The following BSN variants were observed in gnomAD, a reference collection of about 807,000 sequenced individuals.
The protein encoded by BSN is protein bassoon.
Under a neutral mutation model 264.8 loss-of-function variants are expected in BSN, and 57 were observed. The observed-to-expected ratio is 0.22, with a 90% confidence interval of 0.17 to 0.27. BSN has a LOEUF of 0.27. Ranked by LOEUF, BSN falls within the 10% of genes least tolerant of loss-of-function variation. The pLI is 1.00. For missense variants in BSN, 4,615 were observed against 5,232.5 expected, an observed-to-expected ratio of 0.88 and a Z score of 3.64; for synonymous variants, 2,059 against 2,137.3, an observed-to-expected ratio of 0.96 and a Z score of 1.01.
chr3:49,672,264 T>G (rs1274932353), downstream of BSN, among the ~76,000 whole-genome samples: 1 of 152,080 alleles, frequency 6.6e-6, no homozygotes, highest in Non-Finnish European at 1.5e-5. Flanking sequence ...TCCAGAGAGA[T>G]ACACCATTAG....
chr3:49,591,513 A>G (rs917744212), intron 1 of BSN, among the ~76,000 whole-genome samples: 1 of 151,668 alleles, frequency 6.6e-6, no homozygotes, highest in African/African-American at 2.4e-5. Context: ...GCCACCAACA[A>G]TTTTTTTTCC....
At chr3:49,565,144 C>CTTTTTT (rs971015437) in intron 1 of BSN, among the ~76,000 whole-genome samples, 24 of 104,584 alleles carry the variant, frequency 2.3e-4, no homozygotes, top group Middle Eastern at 6.8e-3. Flanking sequence ...AGAGGATTTT[C>CTTTTTT]TTTTTTTTTT....
At chr3:49,620,027 A>G (rs552260111) in intron 1 of BSN, among the ~76,000 whole-genome samples, 8 of 152,294 alleles carry the variant, frequency 5.3e-5, no homozygotes, top group Admixed American at 5.2e-4. Flanking sequence ...CAAAAGCAAT[A>G]AATTTGTTAT....
chr3:49,594,264 C>T (rs1317932514), intron 1 of BSN, among the ~76,000 whole-genome samples: 1 of 152,124 alleles, frequency 6.6e-6, no homozygotes, highest in Non-Finnish European at 1.5e-5. Flanking sequence ...AGTATCAAGT[C>T]TAAGAACTCT....
chr3:49,617,493 GCTGCTGGGAGGAGCAGTGGC>G (rs1166420632), intron 1 of BSN, among the ~76,000 whole-genome samples: 9 of 151,694 alleles, frequency 5.9e-5, no homozygotes, highest in African/African-American at 2.2e-4. Flanking sequence ...GACTCCCATG[GCTGCTGGGAGGAGCAGTGGC>G]CTCAAGGGGC....
At position 49,670,049 on chromosome 3, in the gene BSN, C is replaced by T. The variant is rs140408455; in HGVS notation, c.*2564C>T. ...TTCAGAGAGGGCTCCTCGCTCACCT[C>T]TGGTAGCTATGGATGGGACAGGAAG... On this transcript the variant is annotated 3_prime_UTR_variant, in exon 12 of 12. Transcript: ENST00000296452. The T allele has an allele frequency of 5.2e-5, 8 of 152,700 alleles. No homozygotes were observed. Among genetic ancestry groups the T allele is most frequent in the African/African-American group, 1.9e-4 (8 of 41,474 alleles). The allele number at this position is 152,700 out of a possible 1,614,324, so 9.5% of individuals were successfully genotyped here.
intron 1 of BSN, among the ~76,000 whole-genome samples, 161 bp from the exon 2 acceptor site, chr3:49,624,804 TGCTTGTCAAG>T (rs754678155): frequency 1.3e-3 from 200 of 152,240 alleles, no homozygotes; most frequent in Non-Finnish European, 2.5e-3. Flanking sequence ...AAGTTGGAGA[TGCTTGTCAAG>T]GCTCAGCACA....
intron 9 of BSN, 41 bp downstream of exon 9, chr3:49,664,595 C>G: frequency 1.3e-6 from 2 of 1,558,898 alleles, no homozygotes; most frequent in South Asian, 1.2e-5. Context: ...GGTGGCTACT[C>G]TGGTACAGGC....
intron 1 of BSN, among the ~76,000 whole-genome samples, chr3:49,561,260 G>T (rs2051709723): frequency 6.6e-6 from 1 of 152,196 alleles, no homozygotes; most frequent in Admixed American, 6.5e-5. Flanking sequence ...AAATAGAAGG[G>T]ATGGCTTTTG....
At position 49,651,492 on chromosome 3, in the gene BSN, A is replaced by G; in HGVS notation, c.1987-51A>G. Reference sequence around the variant, plus strand: ...GATTGACAGGGAGGATTGGGTTCCCACCACGAGCTTTGCCATGGGGAGTCA... The same window carrying G: ...GATTGACAGGGAGGATTGGGTTCCCGCCACGAGCTTTGCCATGGGGAGTCA... On this transcript the variant is annotated intron_variant, in intron 4 of 11. Transcript: ENST00000296452. This position sits in a 1 kb window ranked among gnomAD's most constrained non-coding sequence, Gnocchi z 5.4. 6.6e-7 allele frequency: 1 copy of G among 1,517,560 alleles called. No individual in the cohort carries two copies. The highest frequency in any genetic ancestry group is 8.9e-7 in the Non-Finnish European group (1 of 1,129,558). 94.0% of individuals were successfully genotyped at this position (1,517,560 alleles called of 1,614,324 possible).
At chr3:49,636,543 T>C (rs996447794) in intron 2 of BSN, among the ~76,000 whole-genome samples, 3 of 152,012 alleles carry the variant, frequency 2.0e-5, no homozygotes, top group African/African-American at 7.3e-5. Flanking sequence ...TGTCCAGGGA[T>C]CAGCAAGGGG....
At chr3:49,648,879 C>T (rs1423149957) in intron 3 of BSN, among the ~76,000 whole-genome samples, 1 of 152,244 alleles carries the variant, frequency 6.6e-6, no homozygotes, top group African/African-American at 2.4e-5. Context: ...GCCACTGCCC[C>T]ATTCCTCTGC....
At chr3:49,634,232 G>A (rs927858333) in intron 2 of BSN, among the ~76,000 whole-genome samples, 2 of 151,832 alleles carry the variant, frequency 1.3e-5, no homozygotes, top group Non-Finnish European at 2.9e-5. Flanking sequence ...AGAGCTGGAG[G>A]AAGGGGGAAT....
intron 2 of BSN, among the ~76,000 whole-genome samples, chr3:49,630,728 C>A (rs1054092337): frequency 2.0e-5 from 3 of 151,398 alleles, no homozygotes; most frequent in African/African-American, 7.3e-5. Flanking sequence ...TATCTAAGGG[C>A]AAAGGAAACA....
chr3:49,645,376 C>T (rs185071731), intron 3 of BSN, among the ~76,000 whole-genome samples: 34 of 152,262 alleles, frequency 2.2e-4, no homozygotes, highest in African/African-American at 7.7e-4. Flanking sequence ...GAGACTGTAC[C>T]ACCATCCACC....
chr3:49,652,043 GC>G lies in BSN; in HGVS notation c.2492del (p.Pro831GlnfsTer7). On this transcript the variant is annotated frameshift_variant, in exon 5 of 12. Transcript: ENST00000296452. LOFTEE classifies it high-confidence loss of function. ...GTGGCCTGTCCCCTCTTCCACCCCA[GC>G]CCCCAGCCCGGGCAGCAGAACTGAC... Reference protein sequence around the residue: ...EGGLSPLPPQPPARAAELTDE... With the variant: ...EGGLSPLPPQXPARAAELTDE... 2 of 1,610,260 alleles carry G rather than the reference GC, an allele frequency of 1.2e-6. No individual in the cohort carries two copies. The highest frequency in any genetic ancestry group is 1.7e-6 in the Non-Finnish European group (2 of 1,177,304).
intron 1 of BSN, among the ~76,000 whole-genome samples, chr3:49,556,855 A>G (rs1379200791): frequency 6.6e-6 from 1 of 152,262 alleles, no homozygotes; most frequent in Non-Finnish European, 1.5e-5. Flanking sequence ...AGGAAAGAGC[A>G]TTAGCACAAA....
At chr3:49,648,726 T>C (rs1158113110) in intron 3 of BSN, among the ~76,000 whole-genome samples, 1 of 152,242 alleles carries the variant, frequency 6.6e-6, no homozygotes, top group Non-Finnish European at 1.5e-5. Flanking sequence ...CAGCACTTAC[T>C]GCCTTGTGGG....
In BSN at chr3:49,631,029, G is replaced by A. The variant is rs151012738; in HGVS notation, c.633+5646G>A. On this transcript the variant is annotated intron_variant, in intron 2 of 11. Coordinates refer to ENST00000296452, the MANE Select transcript of BSN (RefSeq NM_003458.4). Reference sequence around the variant, plus strand: ...GAGGGCAGCCCTCTCCCTTCTTCCTGTCCTTGCCTCCCTCCACAGTGCTTT... The same window carrying A: ...GAGGGCAGCCCTCTCCCTTCTTCCTATCCTTGCCTCCCTCCACAGTGCTTT... Among the ~76,000 whole-genome samples, 45 of 152,238 alleles carry A rather than the reference G, an allele frequency of 3.0e-4. No homozygotes were observed. The East Asian group carries it at 8.1e-3, about 27-fold the overall frequency.
Sources: allele counts gnomAD v4.1 joint callset (sites outside exome capture counted in the v4.1 genomes callset), GRCh38; gene constraint gnomAD v4.1.1; non-coding constraint Gnocchi (gnomAD v3.1); transcripts MANE v1.5; gene names NCBI Gene and HGNC (gene_info 2026-07-23, HGNC 2026-07-21).